The following PDHA1 variants were observed in gnomAD, a reference collection of about 807,000 sequenced individuals.
PDHA1 encodes the protein pyruvate dehydrogenase E1 subunit alpha 1, also known as pyruvate dehydrogenase E1 component subunit alpha, somatic form, mitochondrial.
In PDHA1, 1 loss-of-function variant was observed where a neutral mutation model predicts 33.0. That is an observed-to-expected ratio of 0.03 (90% confidence interval 0.01 to 0.14). The LOEUF is 0.14. Ranked by LOEUF, PDHA1 falls within the 10% of genes least tolerant of loss-of-function variation. The probability of loss-of-function intolerance (pLI) is 1.00; values close to 1 mark genes in which losing one functional copy is unlikely to be tolerated. For synonymous variants in PDHA1, 123 were observed against 119.2 expected, an observed-to-expected ratio of 1.03 and a Z score of -0.21; for missense variants, 168 against 325.1, an observed-to-expected ratio of 0.52 and a Z score of 3.72.
rs770658441 is a variant in PDHA1, at chrX:19,361,223, A to T, written c.*1570A>T. 60 of 594,499 alleles carry T rather than the reference A, an allele frequency of 1.0e-4. 1 individual carries two copies. The African/African-American group carries it at 1.3e-3, about 13-fold the overall frequency. 49.0% of individuals were successfully genotyped at this position (594,499 alleles called of 1,213,427 possible). A position where few individuals can be genotyped will look rare whatever the true frequency, so the allele number is the denominator to read the frequency against. On this transcript the variant is annotated 3_prime_UTR_variant, in exon 11 of 11. Coordinates refer to ENST00000422285, the MANE Select transcript of PDHA1 (RefSeq NM_000284.4). ...CCCACCTTGGCTTTTTCCCAGCTTGAACCTAATAGAACTCCAGAGTTTGGG... is the reference window on the plus strand; with the variant it reads ...CCCACCTTGGCTTTTTCCCAGCTTGTACCTAATAGAACTCCAGAGTTTGGG...
chrX:19,355,878 CAG>C, intron 8 of PDHA1, 121 bp downstream of exon 8: 1 of 566,023 alleles, frequency 1.8e-6, no homozygotes, highest in Middle Eastern at 4.7e-4. Context: ...GAGATGGAAG[CAG>C]AGTGAAGGGA....
At position 19,344,110 on chromosome X, in the gene PDHA1, C is replaced by T. The variant is rs757875138; in HGVS notation, c.57+16C>T. 1 of 1,190,290 alleles carries T rather than the reference C, an allele frequency of 8.4e-7. No homozygotes were observed. The highest frequency in any genetic ancestry group is 3.0e-5 in the East Asian group (1 of 33,527). ...TCAGAAGCCGGTGAGACCTCCCGGG[C>T]GGGCCGGGATGGGGCGCGAGTGGGG... On this transcript the variant is annotated intron_variant, in intron 1 of 10. Coordinates refer to ENST00000422285, the MANE Select transcript of PDHA1 (RefSeq NM_000284.4).
chrX:19,348,886 A>C (rs1182244379), intron 1 of PDHA1, among the ~76,000 whole-genome samples: 4 of 112,186 alleles, frequency 3.6e-5, no homozygotes, highest in Non-Finnish European at 7.5e-5. Flanking sequence ...CGGAGGTTGC[A>C]GTGAGCCGAG....
intron 8 of PDHA1, among the ~76,000 whole-genome samples, chrX:19,356,735 G>GAGTT (rs752269582): frequency 4.5e-5 from 4 of 88,890 alleles, no homozygotes; most frequent in Non-Finnish European, 7.7e-5. Context: ...TCACAATTCT[G>GAGTT]AGTTAGGTGT....
At chrX:19,348,805 G>A (rs745531238) in intron 1 of PDHA1, among the ~76,000 whole-genome samples, 66 of 111,617 alleles carry the variant, frequency 5.9e-4, no homozygotes, top group Non-Finnish European at 7.2e-4. Flanking sequence ...TTAGCCGGGC[G>A]TGGTGGTGGG....
chrX:19,346,521 T>A (rs1411940963), intron 1 of PDHA1: 1 of 509,145 alleles, frequency 2.0e-6, no homozygotes, highest in African/African-American at 2.4e-5. Flanking sequence ...GACATGGTCT[T>A]GCTACGTTGC....
intron 1 of PDHA1, chrX:19,346,619 G>A: frequency 1.1e-6 from 1 of 951,994 alleles, no homozygotes; most frequent in Non-Finnish European, 1.3e-6. Context: ...CTTAAAACCA[G>A]GCAGGTAGGG....
At chrX:19,345,129 T>C (rs1038819193) in intron 1 of PDHA1, among the ~76,000 whole-genome samples, 1 of 110,986 alleles carries the variant, frequency 9.0e-6, no homozygotes, top group African/African-American at 3.3e-5. Context: ...CTGACCCCCC[T>C]AGGCACAGTG....
intron 1 of PDHA1, among the ~76,000 whole-genome samples, chrX:19,344,517 G>C (rs2063117488): frequency 8.8e-6 from 1 of 113,256 alleles, no homozygotes; most frequent in Non-Finnish European, 1.9e-5. Context: ...AGACAGGGTG[G>C]CTTCGTTCAA....
chrX:19,345,155 G>T (rs5955752), intron 1 of PDHA1, among the ~76,000 whole-genome samples: 2 of 111,307 alleles, frequency 1.8e-5, no homozygotes, highest in Admixed American at 9.6e-5. Context: ...GTGTTAATTG[G>T]TGTAACTGCA....
At chrX:19,353,831 C>T (rs1400043900) in intron 5 of PDHA1, among the ~76,000 whole-genome samples, 2 of 111,835 alleles carry the variant, frequency 1.8e-5, no homozygotes, top group East Asian at 5.6e-4. Context: ...TTTTGGGGTC[C>T]TTGTTCTCAT....
Position 19,351,403 on chromosome X carries a change from T to C in PDHA1, c.414T>C (p.Leu138=). 1 of 1,207,001 alleles carries C rather than the reference T, an allele frequency of 8.3e-7. No homozygotes were observed. Among genetic ancestry groups the C allele is most frequent in the Non-Finnish European group, 1.1e-6 (1 of 891,529 alleles). Reference sequence around the variant, plus strand: ...CCGTCCGAGAAATTCTCGCAGAGCTTACAGGTTTGCTGTTGATTTACAGAA... The same window carrying C: ...CCGTCCGAGAAATTCTCGCAGAGCTCACAGGTTTGCTGTTGATTTACAGAA... The part of the protein sequence containing the change: ...GLSVREILAE[L]TGRKGGCAKG... Residue 138 remains leucine, a synonymous_variant, in exon 4 of 11, where the codon CTT becomes CTC. Transcript: ENST00000422285.
At position 19,360,897 on chromosome X, in the gene PDHA1, G is replaced by C. The variant is rs896481400; in HGVS notation, c.*1244G>C. ...CAAGCCAACAGAGCTTAAAACTGCA[G>C]TCCCTAATTTAAAAACCTAATGAAA... On this transcript the variant is annotated 3_prime_UTR_variant, in exon 11 of 11. Coordinates refer to ENST00000422285, the MANE Select transcript of PDHA1 (RefSeq NM_000284.4). 11 of 842,310 alleles carry C rather than the reference G, an allele frequency of 1.3e-5. No homozygotes were observed. In the African/African-American group the frequency reaches 2.3e-4, roughly 17 times the overall value. The allele number at this position is 842,310 out of a possible 1,213,427, so 69.4% of individuals were successfully genotyped here.
intron 8 of PDHA1, among the ~76,000 whole-genome samples, chrX:19,356,490 T>C (rs934822976): frequency 2.7e-5 from 3 of 111,496 alleles, no homozygotes; most frequent in African/African-American, 9.8e-5. Context: ...TAACATTAAA[T>C]AAGAGCTAAT....
At position 19,359,596 on chromosome X, in the gene PDHA1, C is replaced by A; in HGVS notation, c.1116C>A (p.Asp372Glu). 8.3e-7 allele frequency: 1 copy of A among 1,211,375 alleles called. No individual in the cohort carries two copies. The highest frequency in any genetic ancestry group is 1.7e-5 in the African/African-American group (1 of 57,785). Residue 372 changes from aspartate to glutamate, a missense_variant, in exon 11 of 11, where the codon GAC becomes GAA. Coordinates refer to ENST00000422285, the MANE Select transcript of PDHA1 (RefSeq NM_000284.4). ...TGGGCTACCACATCTACTCCAGCGA[C>A]CCACCTTTTGAAGTTCGTGGTGCCA... ...EELGYHIYSS[D>E]PPFEVRGANQ...
intron 1 of PDHA1, chrX:19,345,667 C>T (rs764277628): frequency 2.6e-4 from 51 of 196,038 alleles, no homozygotes; most frequent in African/African-American, 1.7e-3. Context: ...CAGAAACATC[C>T]TTCCTTTAGG....
At chrX:19,349,499 G>A (rs905220600) in intron 2 of PDHA1, 128 bp downstream of exon 2, 1 of 501,114 alleles carries the variant, frequency 2.0e-6, no homozygotes, top group Admixed American at 3.4e-5. Flanking sequence ...TCCAGGATCA[G>A]AAGTTCAGAG....
rs140779387 is a variant in PDHA1, at chrX:19,361,389, C to T, written c.*1736C>T. 43 of 1,207,923 alleles carry T rather than the reference C, an allele frequency of 3.6e-5. No individual in the cohort carries two copies. The African/African-American group carries it at 5.0e-4, about 14-fold the overall frequency. The stretch of plus-strand genomic sequence containing the variant: ...CCTTAGTGATCTCATTAAGAATATC[C>T]GAAAGTGTATAACCCTCTTCAACAA... On this transcript the variant is annotated 3_prime_UTR_variant, in exon 11 of 11. Transcript: ENST00000422285.
chrX:19,355,260 T>C, intron 6 of PDHA1, 89 bp from the exon 7 acceptor site: 2 of 1,074,392 alleles, frequency 1.9e-6, no homozygotes, highest in Non-Finnish European at 2.6e-6. Flanking sequence ...TTATGAAAGC[T>C]TTCTGTGCCA....
Sources: gnomAD v4.1 joint callset for allele counts (sites outside exome capture counted in the v4.1 genomes callset) on GRCh38, gnomAD v4.1.1 for gene constraint, MANE v1.5 for transcripts, NCBI Gene and HGNC (gene_info 2026-07-23, HGNC 2026-07-21) for gene names.